Variants in NHSL3 observed in about 807,000 individuals in gnomAD.
The protein encoded by NHSL3 is NHS like 3, also known as NHS-like protein 3.
the NHSL3 span, among the ~76,000 whole-genome samples, chr1:32,747,076 G>A: frequency 6.6e-6 from 1 of 152,142 alleles, no homozygotes; most frequent in Admixed American, 6.5e-5. Flanking sequence ...ATGGTGTGGA[G>A]TTGTGGAGAG....
chr1:32,761,551 C>A, the NHSL3 span, among the ~76,000 whole-genome samples: 2 of 152,138 alleles, frequency 1.3e-5, no homozygotes, highest in South Asian at 4.1e-4. Context: ...AGATGACTGT[C>A]CTGTGTGGTG....
At chr1:32,771,700 G>A in the NHSL3 span, 2 of 1,612,288 alleles carry the variant, frequency 1.2e-6, no homozygotes, top group Non-Finnish European at 8.5e-7. Context: ...AGCTCCGCCA[G>A]CCCCAGCTCC....
the NHSL3 span, among the ~76,000 whole-genome samples, chr1:32,748,003 G>A: frequency 9.2e-5 from 14 of 152,292 alleles, no homozygotes; most frequent in African/African-American, 3.1e-4. Flanking sequence ...CAGGCTACTC[G>A]GGAGGCTGAG....
the NHSL3 span, chr1:32,771,330 G>A: frequency 3.8e-6 from 6 of 1,594,116 alleles, no homozygotes; most frequent in Non-Finnish European, 5.1e-6. Context: ...TGACTCCACT[G>A]CAGGAGTCTC....
At chr1:32,760,268 CCT>C in the NHSL3 span, among the ~76,000 whole-genome samples, 28 of 152,218 alleles carry the variant, frequency 1.8e-4, no homozygotes, top group African/African-American at 6.8e-4. Flanking sequence ...ATTCCTCTCC[CCT>C]GAGTCAGGCC....
chr1:32,772,088 C>T, the NHSL3 span: 1 of 1,613,042 alleles, frequency 6.2e-7, no homozygotes, highest in East Asian at 2.2e-5. Context: ...GCCTCAACGG[C>T]CAGTTTCATC....
At chr1:32,765,733 G>C in the NHSL3 span, 2 of 1,546,546 alleles carry the variant, frequency 1.3e-6, no homozygotes, top group Admixed American at 2.0e-5. Flanking sequence ...GGAGAGGCAG[G>C]GTGGGATAGG....
the NHSL3 span, chr1:32,771,803 G>A: frequency 1.2e-6 from 2 of 1,613,012 alleles, no homozygotes; most frequent in Non-Finnish European, 1.7e-6. Context: ...GAGGACGTAG[G>A]TGCGCCCCTG....
the NHSL3 span, chr1:32,773,269 T>G: frequency 3.9e-6 from 1 of 256,098 alleles, no homozygotes; most frequent in South Asian, 7.3e-5. Flanking sequence ...CATACTATAG[T>G]CCAGAATCAA....
the NHSL3 span, chr1:32,771,949 C>A: frequency 6.2e-7 from 1 of 1,604,458 alleles, no homozygotes; most frequent in Non-Finnish European, 8.5e-7. Context: ...CAGCCCAGTG[C>A]CTGCCCCCTC....
chr1:32,772,715 CAT>C, the NHSL3 span: 1 of 852,344 alleles, frequency 1.2e-6, no homozygotes, highest in African/African-American at 1.7e-5. Flanking sequence ...AGTGTCTGAA[CAT>C]GTGTAGGGTG....
the NHSL3 span, chr1:32,773,380 G>A: frequency 6.9e-4 from 126 of 181,668 alleles, no homozygotes; most frequent in African/African-American, 2.8e-3. Context: ...CCGGCAGTCA[G>A]CCCATAGCTT....
the NHSL3 span, among the ~76,000 whole-genome samples, chr1:32,764,879 C>T: frequency 6.6e-6 from 1 of 152,224 alleles, no homozygotes; most frequent in Non-Finnish European, 1.5e-5. Flanking sequence ...CACCTCACCT[C>T]CTTTTTTACT....
At chr1:32,744,587 G>A in the NHSL3 span, among the ~76,000 whole-genome samples, 1 of 152,176 alleles carries the variant, frequency 6.6e-6, no homozygotes, top group African/African-American at 2.4e-5. Context: ...GATGGGAAAT[G>A]GCCCAGAGAG....
chr1:32,751,849 G>C, the NHSL3 span, among the ~76,000 whole-genome samples: 1 of 152,126 alleles, frequency 6.6e-6, no homozygotes, highest in Non-Finnish European at 1.5e-5. Context: ...CGGAGATGAG[G>C]CTGAACTGGT....
the NHSL3 span, among the ~76,000 whole-genome samples, chr1:32,752,887 GAAAA>G: frequency 3.6e-4 from 34 of 94,616 alleles, no homozygotes; most frequent in African/African-American, 1.2e-3. Flanking sequence ...CGTTTTTAAA[GAAAA>G]AAAAAACATG....
chr1:32,771,746 C>T, the NHSL3 span: 1 of 1,613,790 alleles, frequency 6.2e-7, no homozygotes, highest in Middle Eastern at 1.7e-4. Context: ...GCCAAGCTCC[C>T]TCAGAAGGAA....
At chr1:32,754,463 T>C in the NHSL3 span, among the ~76,000 whole-genome samples, 6 of 125,368 alleles carry the variant, frequency 4.8e-5, no homozygotes, top group Non-Finnish European at 1.1e-4. Flanking sequence ...ACACCCACAC[T>C]CTCGTACCAT....
chr1:32,743,749 G>C, the NHSL3 span, among the ~76,000 whole-genome samples: 5 of 152,202 alleles, frequency 3.3e-5, no homozygotes, highest in African/African-American at 1.2e-4. Flanking sequence ...AACAGCCTGG[G>C]TTTGGGTTCA....
Sources: gnomAD v4.1 joint callset for allele counts (sites outside exome capture counted in the v4.1 genomes callset) on GRCh38, gnomAD v4.1.1 for gene constraint, MANE v1.5 for transcripts, NCBI Gene and HGNC (gene_info 2026-07-23, HGNC 2026-07-21) for gene names.